LARGE1: variants seen among roughly 807,000 people sequenced by gnomAD.
LARGE1 encodes LARGE xylosyl- and glucuronyltransferase 1.
Under a neutral mutation model 87.6 loss-of-function variants are expected in LARGE1, and 43 were observed. That is an observed-to-expected ratio of 0.49 (90% CI 0.38 to 0.63). The LOEUF is 0.63. LARGE1 is among the 30% of genes least tolerant of loss of function. The pLI is 0.00. For missense variants in LARGE1, 802 were observed against 1,000.2 expected, an observed-to-expected ratio of 0.80 and a Z score of 2.67; for synonymous variants, 434 against 394.6, an observed-to-expected ratio of 1.10 and a Z score of -1.18.
the LARGE1 span, among the ~76,000 whole-genome samples, chr22:33,142,308 A>T: frequency 6.6e-6 from 1 of 152,272 alleles, no homozygotes; most frequent in South Asian, 2.1e-4. Flanking sequence ...ACAATGGATA[A>T]ATATGATCTT....
chr22:33,144,813 G>A, the LARGE1 span, among the ~76,000 whole-genome samples: 316 of 152,136 alleles, frequency 2.1e-3, no homozygotes, highest in African/African-American at 7.3e-3. Flanking sequence ...AATAGGAAAT[G>A]GGCAAAGCAA....
chr22:33,741,974 G>A (rs1297620004), intron 2 of LARGE1, among the ~76,000 whole-genome samples: 1 of 152,160 alleles, frequency 6.6e-6, no homozygotes, highest in Non-Finnish European at 1.5e-5. Context: ...TCACAAATGA[G>A]AACGTACCAG....
intron 7 of LARGE1, among the ~76,000 whole-genome samples, chr22:33,401,530 T>A (rs1010261340): frequency 2.0e-5 from 3 of 152,140 alleles, no homozygotes; most frequent in African/African-American, 7.2e-5. Flanking sequence ...CAGATCAGAT[T>A]TCTGTTTAGA....
In LARGE1 at chr22:33,316,266, G is replaced by T. The variant is rs750499971; in HGVS notation, c.1288-18C>A. ...TTCTGGAGCTGCAGGGTAGGAGAGAGGGCTTGGGCACGTGAAGAAGAGGTC... is the reference window on the plus strand; with the variant it reads ...TTCTGGAGCTGCAGGGTAGGAGAGATGGCTTGGGCACGTGAAGAAGAGGTC... On this transcript the variant is annotated intron_variant, in intron 10 of 14. Coordinates refer to ENST00000397394, the MANE Select transcript of LARGE1 (RefSeq NM_133642.5). The T allele has an allele frequency of 6.2e-7, 1 of 1,612,336 alleles. No homozygotes were observed. The highest frequency in any genetic ancestry group is 1.7e-5 in the Admixed American group (1 of 60,028).
intron 6 of LARGE1, among the ~76,000 whole-genome samples, chr22:33,475,970 G>C (rs2069060877): frequency 6.6e-6 from 1 of 152,198 alleles, no homozygotes; most frequent in Non-Finnish European, 1.5e-5. Context: ...GCTGGGAACT[G>C]CTGGCAACTG....
rs1270308667 is a variant in LARGE1 at position 33,193,930 on chromosome 22, A to T, written c.1731-27098T>A. 2.4e-5 allele frequency among the ~76,000 whole-genome samples: 3 copies of T among 124,322 alleles called. No homozygotes were observed. The East Asian group carries it at 6.2e-4, about 26-fold the overall frequency. 81.6% of individuals were successfully genotyped at this position (124,322 alleles called of 152,430 possible). ...TATATTATATATGTTATATATATTA[A>T]ATATGTTATAGATTATGTTTTATAT... On this transcript the variant is annotated intron_variant, in intron 11 of 11. Transcript: ENST00000608642.
chr22:33,270,224 G>A (rs1568997931), downstream of LARGE1, among the ~76,000 whole-genome samples: 1 of 152,072 alleles, frequency 6.6e-6, no homozygotes, highest in South Asian at 2.1e-4. Context: ...GATCCTATGG[G>A]TCTGAAACCT....
chr22:33,640,414 T>A (rs1449689784), intron 3 of LARGE1, among the ~76,000 whole-genome samples: 1 of 152,202 alleles, frequency 6.6e-6, no homozygotes, highest in Admixed American at 6.5e-5. Flanking sequence ...GAAGTTAACA[T>A]GATCAGTAAA....
At chr22:33,471,609 C>A (rs1219216623) in intron 6 of LARGE1, among the ~76,000 whole-genome samples, 1 of 152,102 alleles carries the variant, frequency 6.6e-6, no homozygotes, top group Admixed American at 6.5e-5. Context: ...TGCTGAATAA[C>A]TGGTTGGGAC....
intron 6 of LARGE1, among the ~76,000 whole-genome samples, chr22:33,504,724 C>T (rs183690884): frequency 2.3e-4 from 35 of 152,174 alleles, no homozygotes; most frequent in Non-Finnish European, 4.7e-4. Context: ...CACCAACTCA[C>T]GGGGTTGCTG....
At chr22:33,278,766 C>G in intron 13 of LARGE1, among the ~76,000 whole-genome samples, 1 of 152,134 alleles carries the variant, frequency 6.6e-6, no homozygotes, top group African/African-American at 2.4e-5. Context: ...TGTCTCCAGG[C>G]TGGAGTGCAG....
intron 1 of LARGE1, among the ~76,000 whole-genome samples, chr22:33,785,068 TATGTGTATACATACATATGTGTATATAC>T (rs1569445737): frequency 7.3e-6 from 1 of 137,428 alleles, no homozygotes; most frequent in Non-Finnish European, 1.6e-5. Flanking sequence ...TATATAGATA[TATGTGTATACATACATATGTGTATATAC>T]ATGTGTATAC....
At chr22:33,222,934 C>A (rs1925529024) in intron 11 of LARGE1, among the ~76,000 whole-genome samples, 1 of 152,072 alleles carries the variant, frequency 6.6e-6, no homozygotes, top group Admixed American at 6.5e-5. Context: ...AGTTGCAGGC[C>A]CCCCCAGTCT....
the LARGE1 span, among the ~76,000 whole-genome samples, chr22:33,124,182 G>A: frequency 6.6e-6 from 1 of 151,952 alleles, no homozygotes; most frequent in Non-Finnish European, 1.5e-5. Flanking sequence ...AGCTACTCGA[G>A]CGGCTGAGGC....
intron 4 of LARGE1, among the ~76,000 whole-genome samples, chr22:33,606,019 G>T (rs2055844151): frequency 6.6e-6 from 1 of 152,180 alleles, no homozygotes; most frequent in African/African-American, 2.4e-5. Context: ...CTGGGCCCAG[G>T]GTGTATTAGG....
chr22:33,423,617 T>C (rs927659971), intron 7 of LARGE1, among the ~76,000 whole-genome samples: 4 of 150,202 alleles, frequency 2.7e-5, no homozygotes, highest in African/African-American at 9.8e-5. Flanking sequence ...GAGACGAAGG[T>C]TGCAGTGAGC....
chr22:33,238,043 A>G (rs1383994681), intron 11 of LARGE1, among the ~76,000 whole-genome samples: 1 of 152,202 alleles, frequency 6.6e-6, no homozygotes, highest in Non-Finnish European at 1.5e-5. Context: ...GACAGAAGAA[A>G]AAGGTTTCAA....
At chr22:33,261,424 C>T (rs745603021) in intron 11 of LARGE1, among the ~76,000 whole-genome samples, 1 of 152,138 alleles carries the variant, frequency 6.6e-6, no homozygotes, top group African/African-American at 2.4e-5. Context: ...ACTCCTTAGA[C>T]GATCTTATGC....
chr22:33,107,902 T>C, the LARGE1 span, among the ~76,000 whole-genome samples: 1 of 151,596 alleles, frequency 6.6e-6, no homozygotes, highest in Admixed American at 6.6e-5. Flanking sequence ...TTTATGATTT[T>C]CTCATTGGGA....
Sources: allele counts gnomAD v4.1 joint callset (sites outside exome capture counted in the v4.1 genomes callset), GRCh38; gene constraint gnomAD v4.1.1; transcripts MANE v1.5; gene names NCBI Gene and HGNC (gene_info 2026-07-23, HGNC 2026-07-21).